The following MCU variants were observed in gnomAD, a reference collection of about 807,000 sequenced individuals.
The protein encoded by MCU is calcium uniporter protein, mitochondrial.
Under a neutral mutation model 45.2 loss-of-function variants are expected in MCU, and 12 were observed. The observed-to-expected ratio is 0.27, with a 90% confidence interval of 0.17 to 0.43. MCU has a LOEUF of 0.43. Ranked by LOEUF, MCU falls within the 20% of genes least tolerant of loss-of-function variation. The probability of loss-of-function intolerance (pLI) is 1.00; values close to 1 mark genes in which losing one functional copy is unlikely to be tolerated. For missense variants in MCU, 324 were observed against 436.7 expected (o/e 0.74, Z 2.30); for synonymous variants, 160 against 165.1 (o/e 0.97, Z 0.24).
chr10:72,839,570 G>T (rs1845015395), intron 2 of MCU, among the ~76,000 whole-genome samples: 1 of 151,968 alleles, frequency 6.6e-6, no homozygotes, highest in African/African-American at 2.4e-5. Flanking sequence ...TTATTGCTGG[G>T]TAGTATTCCG....
chr10:72,717,561 G>A (rs1842970160), intron 1 of MCU, among the ~76,000 whole-genome samples: 1 of 152,078 alleles, frequency 6.6e-6, no homozygotes, highest in Non-Finnish European at 1.5e-5. Context: ...GCCCAGCCGG[G>A]ATTGCTTCTT....
intron 1 of MCU, among the ~76,000 whole-genome samples, chr10:72,802,237 C>T (rs192245138): frequency 2.6e-4 from 40 of 152,220 alleles, no homozygotes; most frequent in African/African-American, 8.7e-4. Flanking sequence ...TCCTTTTAAA[C>T]GATCATCTAT....
intron 1 of MCU, among the ~76,000 whole-genome samples, chr10:72,711,857 G>GC (rs1222501923): frequency 6.6e-6 from 1 of 150,780 alleles, no homozygotes; most frequent in Non-Finnish European, 1.5e-5. Context: ...GACTACAGGC[G>GC]CCCACCACCA....
intron 1 of MCU, among the ~76,000 whole-genome samples, chr10:72,714,735 G>C (rs1294218810): frequency 6.6e-6 from 1 of 151,864 alleles, no homozygotes; most frequent in Non-Finnish European, 1.5e-5. Context: ...GTAGAGACGG[G>C]GTGTCTCCAT....
At chr10:72,807,648 CCT>C (rs1440796073) in intron 1 of MCU, among the ~76,000 whole-genome samples, 1 of 152,062 alleles carries the variant, frequency 6.6e-6, no homozygotes, top group Non-Finnish European at 1.5e-5. Context: ...ACCCACCCTC[CCT>C]CTCCTCTCAC....
At chr10:72,719,788 T>G (rs1212886366) in intron 1 of MCU, among the ~76,000 whole-genome samples, 1 of 152,240 alleles carries the variant, frequency 6.6e-6, no homozygotes, top group Non-Finnish European at 1.5e-5. Flanking sequence ...AATATACAAT[T>G]AAATTATTAT....
chr10:72,700,661 G>T (rs1842748880), intron 1 of MCU, among the ~76,000 whole-genome samples: 1 of 152,080 alleles, frequency 6.6e-6, no homozygotes, highest in Non-Finnish European at 1.5e-5. Flanking sequence ...CACCAATTGG[G>T]TCTAAAGCAT....
chr10:72,694,758 G>C (rs1041562917), intron 1 of MCU, among the ~76,000 whole-genome samples: 1 of 152,126 alleles, frequency 6.6e-6, no homozygotes, highest in African/African-American at 2.4e-5. Flanking sequence ...TTACAACCAG[G>C]GGGGCATAAC....
intron 1 of MCU, among the ~76,000 whole-genome samples, chr10:72,785,132 T>C (rs1844053136): frequency 6.6e-6 from 1 of 152,190 alleles, no homozygotes; most frequent in African/African-American, 2.4e-5. Flanking sequence ...CTCCCACATT[T>C]CCACATATAT....
intron 1 of MCU, among the ~76,000 whole-genome samples, chr10:72,785,104 A>C (rs1331820436): frequency 6.6e-6 from 1 of 152,180 alleles, no homozygotes; most frequent in East Asian, 1.9e-4. Flanking sequence ...ATGCAGTTTC[A>C]TGATGTAGCA....
Position 72,882,674 on chromosome 10 carries a change from C to T in MCU, c.862-1592C>T, listed in dbSNP as rs957205625. The stretch of plus-strand genomic sequence containing the variant: ...AGATGTTATCAATGACAATGGTGCC[C>T]GAAACTTCATTAGCAATTTTAATTT... On this transcript the variant is annotated intron_variant, in intron 6 of 7. Transcript: ENST00000373053. Among the ~76,000 whole-genome samples, 13 of 152,098 alleles carry T rather than the reference C, an allele frequency of 8.5e-5. 1 individual carries two copies. Among genetic ancestry groups the T allele is most frequent in the Admixed American group, 2.0e-4 (3 of 15,274 alleles).
At chr10:72,848,444 T>A (rs1845154858) in intron 2 of MCU, among the ~76,000 whole-genome samples, 1 of 151,442 alleles carries the variant, frequency 6.6e-6, no homozygotes, top group South Asian at 2.1e-4. Context: ...TGACTTGAAC[T>A]CACCGTTTTT....
chr10:72,724,845 A>C (rs1404232571), intron 1 of MCU, among the ~76,000 whole-genome samples: 4 of 152,218 alleles, frequency 2.6e-5, no homozygotes, highest in African/African-American at 7.2e-5. Context: ...TGGGAAGGAG[A>C]TGCCAGCCTT....
chr10:72,710,593 A>G (rs1321321087), intron 1 of MCU, among the ~76,000 whole-genome samples: 2 of 89,648 alleles, frequency 2.2e-5, no homozygotes, highest in Admixed American at 1.6e-4. Context: ...GTGGTCCTTT[A>G]TAAGGAAATT....
At chr10:72,812,991 A>G (rs573262626) in intron 1 of MCU, among the ~76,000 whole-genome samples, 1 of 152,322 alleles carries the variant, frequency 6.6e-6, no homozygotes, top group East Asian at 1.9e-4. Context: ...TCTAAGCTGT[A>G]CTAAACATTA....
intron 1 of MCU, chr10:72,692,921 A>G: frequency 1.3e-6 from 2 of 1,512,838 alleles, no homozygotes; most frequent in Non-Finnish European, 1.8e-6. Flanking sequence ...CTCGAGATGG[A>G]TGCTGCATTG....
intron 1 of MCU, among the ~76,000 whole-genome samples, chr10:72,742,298 A>G (rs1044171315): frequency 2.0e-5 from 3 of 152,122 alleles, no homozygotes; most frequent in Admixed American, 6.6e-5. Flanking sequence ...ATGCCTGCAT[A>G]ATGATGAAAT....
At chr10:72,698,477 A>G (rs905214852) in intron 1 of MCU, among the ~76,000 whole-genome samples, 1 of 152,198 alleles carries the variant, frequency 6.6e-6, no homozygotes. Flanking sequence ...TTACCTTTTA[A>G]TATCTCAGGA....
At chr10:72,833,752 A>T (rs1381582625) in intron 1 of MCU, among the ~76,000 whole-genome samples, 1 of 152,180 alleles carries the variant, frequency 6.6e-6, no homozygotes, top group Non-Finnish European at 1.5e-5. Flanking sequence ...ATCCACAGTG[A>T]TTGCTCTTCG....
Sources: gnomAD v4.1 joint callset for allele counts (sites outside exome capture counted in the v4.1 genomes callset) on GRCh38, gnomAD v4.1.1 for gene constraint, MANE v1.5 for transcripts, NCBI Gene and HGNC (gene_info 2026-07-23, HGNC 2026-07-21) for gene names.